MDFIC2: variants seen among roughly 807,000 people sequenced by gnomAD.
MDFIC2 encodes the protein MyoD family inhibitor domain containing 2.
intron 2 of MDFIC2, among the ~76,000 whole-genome samples, chr3:70,298,594 T>A (rs921446564): frequency 6.6e-6 from 1 of 152,172 alleles, no homozygotes; most frequent in Non-Finnish European, 1.5e-5. Flanking sequence ...AACTAAGTCC[T>A]CTTTCTCGTT....
chr3:70,236,198 G>T (rs1274549870), intron 2 of MDFIC2, among the ~76,000 whole-genome samples: 2 of 151,946 alleles, frequency 1.3e-5, no homozygotes, highest in African/African-American at 4.8e-5. Flanking sequence ...AACTAAAATC[G>T]ACTTGGCCCC....
At chr3:70,200,134 C>G (rs528229698) in intron 3 of MDFIC2, among the ~76,000 whole-genome samples, 2 of 152,172 alleles carry the variant, frequency 1.3e-5, no homozygotes, top group African/African-American at 4.8e-5. Flanking sequence ...AATCCACAAG[C>G]TGCTCACCAC....
intron 2 of MDFIC2, among the ~76,000 whole-genome samples, chr3:70,290,722 C>A (rs1205183103): frequency 1.3e-5 from 2 of 152,038 alleles, no homozygotes; most frequent in Admixed American, 6.6e-5. Context: ...ACTCCGTGGG[C>A]GTAGGACCCT....
chr3:70,286,539 C>T (rs555415533), intron 2 of MDFIC2, among the ~76,000 whole-genome samples: 283 of 151,830 alleles, frequency 1.9e-3, no homozygotes, highest in African/African-American at 6.5e-3. Context: ...CTTGGTGATG[C>T]GGGCTCTTTT....
intron 2 of MDFIC2, among the ~76,000 whole-genome samples, chr3:70,216,240 A>G (rs1164797935): frequency 6.6e-6 from 1 of 150,392 alleles, no homozygotes; most frequent in African/African-American, 2.4e-5. Context: ...CAATTAGAAT[A>G]TATATCAACA....
At chr3:70,300,781 A>C (rs1221652520) in intron 2 of MDFIC2, among the ~76,000 whole-genome samples, 1 of 152,100 alleles carries the variant, frequency 6.6e-6, no homozygotes, top group Non-Finnish European at 1.5e-5. Context: ...TTCAGTGGCC[A>C]GTGAGTTGCT....
intron 2 of MDFIC2, among the ~76,000 whole-genome samples, chr3:70,255,559 C>G (rs576486590): frequency 2.0e-5 from 3 of 152,112 alleles, no homozygotes; most frequent in South Asian, 4.1e-4. Flanking sequence ...CCTCAGTCCT[C>G]CTGCCTCAGT....
intron 2 of MDFIC2, among the ~76,000 whole-genome samples, chr3:70,268,094 T>C (rs1256807450): frequency 2.6e-5 from 4 of 151,870 alleles, no homozygotes; most frequent in African/African-American, 9.7e-5. Flanking sequence ...TTAGAGTAGT[T>C]TTAGGTTCAC....
chr3:70,297,573 AT>A (rs1702302471), intron 2 of MDFIC2, among the ~76,000 whole-genome samples: 1 of 152,098 alleles, frequency 6.6e-6, no homozygotes, highest in African/African-American at 2.4e-5. Context: ...CAATATGTAT[AT>A]TTGTGTTATC....
chr3:70,284,708 C>A (rs532635999), intron 2 of MDFIC2, among the ~76,000 whole-genome samples: 1 of 152,134 alleles, frequency 6.6e-6, no homozygotes, highest in Non-Finnish European at 1.5e-5. Context: ...GAACACATGG[C>A]CACAGGGAGG....
At chr3:70,300,018 A>G (rs928118356) in intron 2 of MDFIC2, among the ~76,000 whole-genome samples, 1 of 152,080 alleles carries the variant, frequency 6.6e-6, no homozygotes, top group African/African-American at 2.4e-5. Flanking sequence ...ATCATATTCC[A>G]TCAGTTTGTA....
intron 2 of MDFIC2, among the ~76,000 whole-genome samples, chr3:70,287,328 G>T (rs1322318740): frequency 6.9e-6 from 1 of 145,564 alleles, no homozygotes; most frequent in African/African-American, 2.6e-5. Context: ...TGTGGTTTTT[G>T]TCTTTGGCTG....
At position 70,273,164 on chromosome 3, in the gene MDFIC2, G is replaced by A. The variant is rs569378935; in HGVS notation, c.88+38722C>T. On this transcript the variant is annotated intron_variant, in intron 2 of 3. Coordinates refer to ENST00000567252, the MANE Select transcript of MDFIC2 (RefSeq NM_001364677.1). Reference sequence around the variant, plus strand: ...GACTGACAAATCTAAGATTCATCCCGGTGATCACTGACACTTGAAAGGTAT... The same window carrying A: ...GACTGACAAATCTAAGATTCATCCCAGTGATCACTGACACTTGAAAGGTAT... Among the ~76,000 whole-genome samples the A allele has an allele frequency of 1.4e-4, 21 of 152,216 alleles. No individual in the cohort carries two copies. In the South Asian group the frequency reaches 3.9e-3, roughly 29 times the overall value.
At chr3:70,250,589 C>T (rs1575606668) in intron 2 of MDFIC2, among the ~76,000 whole-genome samples, 1 of 152,112 alleles carries the variant, frequency 6.6e-6, no homozygotes, top group African/African-American at 2.4e-5. Flanking sequence ...AGTCTCTGAG[C>T]AGCCAGTTTG....
At chr3:70,259,147 C>T (rs893242715) in intron 2 of MDFIC2, among the ~76,000 whole-genome samples, 3 of 152,072 alleles carry the variant, frequency 2.0e-5, no homozygotes, top group African/African-American at 4.8e-5. Flanking sequence ...AGACAAGGCC[C>T]TTTTTCATAT....
intron 2 of MDFIC2, among the ~76,000 whole-genome samples, chr3:70,280,267 G>A (rs1181057163): frequency 6.6e-6 from 1 of 152,046 alleles, no homozygotes; most frequent in Non-Finnish European, 1.5e-5. Flanking sequence ...AAATTTAGGT[G>A]CCACTCATGT....
chr3:70,295,497 G>C (rs1192135522), intron 2 of MDFIC2, among the ~76,000 whole-genome samples: 1 of 152,038 alleles, frequency 6.6e-6, no homozygotes, highest in Non-Finnish European at 1.5e-5. Context: ...GAGGCCAGGA[G>C]TTCGAGACTG....
At chr3:70,253,667 G>A (rs976116128) in intron 2 of MDFIC2, among the ~76,000 whole-genome samples, 8 of 152,074 alleles carry the variant, frequency 5.3e-5, no homozygotes, top group East Asian at 1.9e-4. Context: ...ATGCTGCAGT[G>A]AGCTATGATA....
chr3:70,291,309 T>C (rs1444180065), intron 2 of MDFIC2: 1 of 152,054 alleles, frequency 6.6e-6, no homozygotes. Context: ...AGCAGCCAAC[T>C]CATTTTTTTT....
Sources: gnomAD v4.1 joint callset for allele counts (sites outside exome capture counted in the v4.1 genomes callset) on GRCh38, gnomAD v4.1.1 for gene constraint, MANE v1.5 for transcripts, NCBI Gene and HGNC (gene_info 2026-07-23, HGNC 2026-07-21) for gene names.